Variants in PPM1L observed in about 807,000 individuals in gnomAD.
PPM1L encodes the protein protein phosphatase, Mg2+/Mn2+ dependent 1L.
A neutral mutation model predicts 31.4 loss-of-function variants in PPM1L; 13 were observed. The observed-to-expected ratio is 0.41, with a 90% CI of 0.27 to 0.66. The LOEUF (loss-of-function observed/expected upper bound fraction) is 0.66, where lower values mean the gene tolerates loss of function less well. PPM1L is among the 30% of genes least tolerant of loss of function. The pLI is 0.29. For synonymous variants in PPM1L, 184 were observed against 175.4 expected (o/e 1.05, Z -0.39); for missense variants, 326 against 453.7 (o/e 0.72, Z 2.56).
intron 2 of PPM1L, among the ~76,000 whole-genome samples, chr3:160,968,452 T>TTA (rs1184039513): frequency 6.6e-6 from 1 of 152,190 alleles, no homozygotes; most frequent in African/African-American, 2.4e-5. Context: ...TAAATATTTA[T>TTA]TATGTGTCAT....
At chr3:160,990,875 C>T (rs116779436) in intron 2 of PPM1L, among the ~76,000 whole-genome samples, 2,824 of 152,238 alleles carry the variant, frequency 0.019, 80 homozygotes, top group African/African-American at 0.063. Context: ...TCTAGTGTCC[C>T]TTTCCCTTGC....
intron 1 of PPM1L, among the ~76,000 whole-genome samples, chr3:160,817,128 G>A (rs1713021790): frequency 6.6e-6 from 1 of 152,094 alleles, no homozygotes; most frequent in Admixed American, 6.6e-5. Context: ...GGATCTACCA[G>A]TGGTCTTCTT....
intron 2 of PPM1L, among the ~76,000 whole-genome samples, chr3:161,027,675 G>A (rs1367532149): frequency 1.3e-5 from 2 of 152,144 alleles, no homozygotes; most frequent in African/African-American, 4.8e-5. Context: ...GATTTGGGTG[G>A]CAACACAGCC....
chr3:160,837,557 G>C (rs1271962068), intron 1 of PPM1L, among the ~76,000 whole-genome samples: 1 of 152,126 alleles, frequency 6.6e-6, no homozygotes, highest in African/African-American at 2.4e-5. Context: ...AATAGCACTG[G>C]GGTCATAAGG....
At chr3:160,951,223 T>C (rs572535938) in intron 1 of PPM1L, among the ~76,000 whole-genome samples, 5 of 152,282 alleles carry the variant, frequency 3.3e-5, no homozygotes, top group Middle Eastern at 3.4e-3. Flanking sequence ...CAGGGGAACA[T>C]AGATGTGTAT....
chr3:160,758,382 C>A (rs554041600), intron 1 of PPM1L, among the ~76,000 whole-genome samples: 1 of 151,952 alleles, frequency 6.6e-6, no homozygotes, highest in South Asian at 2.1e-4. Flanking sequence ...GTGATTCCTT[C>A]CTTTGTAAAT....
chr3:160,977,748 A>G (rs1716646401), intron 2 of PPM1L, among the ~76,000 whole-genome samples: 1 of 152,362 alleles, frequency 6.6e-6, no homozygotes, highest in South Asian at 2.1e-4. Flanking sequence ...AAAGAATACT[A>G]AAGTATAATA....
rs1559943836 is a variant in PPM1L, at chr3:161,069,144, C to G, written c.1070C>G (p.Thr357Arg). 1 of 1,612,960 alleles carries G rather than the reference C, an allele frequency of 6.2e-7. No individual in the cohort carries two copies. Among genetic ancestry groups the G allele is most frequent in the Non-Finnish European group, 8.5e-7 (1 of 1,179,446 alleles). ...MVVKFRNSSKTEEQ is the reference protein window; with the variant it reads ...MVVKFRNSSKREEQ ...GTGAAGTTCAGAAATAGCAGCAAAA[C>G]AGAAGAGCAGTGAACCCTTCAGGGG... The change falls in exon 4 of 4, where the codon ACA (threonine) becomes AGA (arginine). Residue 357 changes from threonine to arginine, a missense_variant. This residue lies in a region of PPM1L where 201 missense variants were observed against 298.2 expected (regional missense o/e 0.67). Transcript: ENST00000498165.
At position 161,069,875 on chromosome 3, in the gene PPM1L, A is replaced by G. The variant is rs1719855908; in HGVS notation, c.*718A>G. The G allele has an allele frequency of 6.6e-6, 1 of 152,304 alleles. No individual in the cohort carries two copies. The highest frequency in any genetic ancestry group is 1.5e-5 in the Non-Finnish European group (1 of 68,090). 9.4% of individuals were successfully genotyped at this position (152,304 alleles called of 1,614,324 possible). On this transcript the variant is annotated 3_prime_UTR_variant, in exon 4 of 4. Transcript: ENST00000498165. ...CTTTGTGCATTTATCCTAATCATGCATGACCGTTAACCTTTTGCTTAGTCC... is the reference window on the plus strand; with the variant it reads ...CTTTGTGCATTTATCCTAATCATGCGTGACCGTTAACCTTTTGCTTAGTCC...
At chr3:160,914,952 T>G (rs1203922205) in intron 1 of PPM1L, among the ~76,000 whole-genome samples, 1 of 152,260 alleles carries the variant, frequency 6.6e-6, no homozygotes, top group Non-Finnish European at 1.5e-5. Flanking sequence ...CCAGCACCTG[T>G]TGTTTCCTGA....
chr3:160,976,795 TC>T (rs1313974299), intron 2 of PPM1L, among the ~76,000 whole-genome samples: 1 of 152,208 alleles, frequency 6.6e-6, no homozygotes, highest in Non-Finnish European at 1.5e-5. Context: ...TAGCGGTCTA[TC>T]AGTTTTGTTG....
chr3:160,930,410 G>C (rs907938027), intron 1 of PPM1L, among the ~76,000 whole-genome samples: 3 of 152,188 alleles, frequency 2.0e-5, no homozygotes, highest in African/African-American at 7.2e-5. Flanking sequence ...ACACTTGCAA[G>C]AGATTTATGG....
chr3:160,997,620 G>A (rs75598884), intron 2 of PPM1L, among the ~76,000 whole-genome samples: 3,993 of 152,218 alleles, frequency 0.026, 162 homozygotes, highest in African/African-American at 0.089. Context: ...TTAATGACTA[G>A]CTTGTTGTCC....
chr3:161,032,866 A>ATTTTTTTTTTTTTT, intron 2 of PPM1L, among the ~76,000 whole-genome samples: 1 of 107,370 alleles, frequency 9.3e-6, no homozygotes, highest in Non-Finnish European at 1.9e-5. Context: ...CTAATTTTGT[A>ATTTTTTTTTTTTTT]TTTTTTTTTT....
intron 1 of PPM1L, among the ~76,000 whole-genome samples, chr3:160,895,294 C>T (rs1235903565): frequency 6.6e-6 from 1 of 152,156 alleles, no homozygotes; most frequent in Non-Finnish European, 1.5e-5. Flanking sequence ...CTCATTGGAG[C>T]TTTAAACTCT....
chr3:160,784,424 A>G (rs1465276044), intron 1 of PPM1L, among the ~76,000 whole-genome samples: 1 of 152,184 alleles, frequency 6.6e-6, no homozygotes, highest in Admixed American at 6.5e-5. Flanking sequence ...TTAATCAGGA[A>G]TAAGAGTTTC....
intron 1 of PPM1L, among the ~76,000 whole-genome samples, chr3:160,849,428 T>C (rs1321537685): frequency 6.6e-6 from 1 of 151,982 alleles, no homozygotes; most frequent in East Asian, 1.9e-4. Context: ...TCTTTTTTTT[T>C]TTTAAGATGG....
chr3:160,842,760 C>G (rs1438055100), intron 1 of PPM1L, among the ~76,000 whole-genome samples: 2 of 152,130 alleles, frequency 1.3e-5, no homozygotes, highest in African/African-American at 2.4e-5. Flanking sequence ...TTCAGTTGTT[C>G]CAGATTGTCA....
chr3:160,985,992 A>AAT (rs397715366), intron 2 of PPM1L, among the ~76,000 whole-genome samples: 4 of 151,996 alleles, frequency 2.6e-5, no homozygotes, highest in African/African-American at 9.6e-5. Flanking sequence ...AAAAAAAAAA[A>AAT]TAGCACCTCA....
Sources: gnomAD v4.1 joint callset for allele counts (sites outside exome capture counted in the v4.1 genomes callset) on GRCh38, gnomAD v4.1.1 for gene constraint, gnomAD v4.1.1 regional missense constraint, MANE v1.5 for transcripts, NCBI Gene and HGNC (gene_info 2026-07-23, HGNC 2026-07-21) for gene names.